The following DNAH5 variants were observed in gnomAD, a reference collection of about 807,000 sequenced individuals.
DNAH5 encodes the protein axonemal beta dynein heavy chain 5.
Under a neutral mutation model 518.2 loss-of-function variants are expected in DNAH5, and 372 were observed. The ratio of observed to expected loss-of-function variants is 0.72; its 90% CI spans 0.66 to 0.78. DNAH5 has a LOEUF of 0.78. DNAH5 is among the 30% of genes least tolerant of loss of function. The probability of loss-of-function intolerance (pLI) is 0.00; values close to 1 mark genes in which losing one functional copy is unlikely to be tolerated. For missense variants in DNAH5, 5,523 were observed against 5,687.0 expected (o/e 0.97, Z 0.93); for synonymous variants, 2,039 against 2,025.9 (o/e 1.01, Z -0.17).
intron 61 of DNAH5, among the ~76,000 whole-genome samples, chr5:13,756,843 C>A (rs1203162960): frequency 1.4e-4 from 22 of 152,050 alleles, no homozygotes; most frequent in Admixed American, 1.1e-3. Context: ...TTTCCTGATC[C>A]TCTCCCTCTT....
chr5:13,865,322 TACA>T (rs1034991903), intron 27 of DNAH5, among the ~76,000 whole-genome samples: 1 of 152,122 alleles, frequency 6.6e-6, no homozygotes, highest in Admixed American at 6.6e-5. Context: ...ATTCAAGAGC[TACA>T]ACAATACAGA....
In DNAH5 at chr5:13,716,583, C is replaced by A. The variant is rs763259925; in HGVS notation, c.12813G>T (p.Trp4271Cys). The change falls in exon 74 of 79, where the codon TGG becomes TGT. Residue 4271 changes from tryptophan (W) to cysteine (C), a missense_variant. Trp to Cys is a radical substitution (Grantham distance 215). Around this residue, in one of 3 missense-constraint regions of DNAH5, gnomAD observed 15 missense variants for 33.6 expected, o/e 0.45. Transcript: ENST00000265104. The part of the protein sequence containing the change: ...KRLLNTFAKV[W>C]FSENMFGPDF... Reference sequence around the variant, plus strand: ...CTGGTCCAAACATATTTTCACTGAACCAAACCTTAGCAAATGTGTTCAACA... The same window carrying A: ...CTGGTCCAAACATATTTTCACTGAAACAAACCTTAGCAAATGTGTTCAACA... 6.8e-6 allele frequency: 11 copies of A among 1,613,876 alleles called. No individual in the cohort carries two copies. The highest frequency in any genetic ancestry group is 9.3e-6 in the Non-Finnish European group (11 of 1,179,782).
At chr5:13,901,939 G>T (rs1774683674) in intron 13 of DNAH5, 114 bp downstream of exon 13, 1 of 787,372 alleles carries the variant, frequency 1.3e-6, no homozygotes, top group Non-Finnish European at 2.0e-6. Context: ...GACCCAAATT[G>T]CCAAGAGAGG....
intron 1 of DNAH5, among the ~76,000 whole-genome samples, chr5:13,949,873 C>T (rs7737789): frequency 0.82 from 124,727 of 152,124 alleles, 52,526 homozygotes; most frequent in Non-Finnish European, 0.91. Context: ...GCTTCTGATC[C>T]TGAATCCTGT....
chr5:13,880,043 G>T (rs1029175320), intron 21 of DNAH5, among the ~76,000 whole-genome samples: 1 of 152,088 alleles, frequency 6.6e-6, no homozygotes, highest in Non-Finnish European at 1.5e-5. Flanking sequence ...AAAGAGTGTT[G>T]AAAGTAGCAA....
At chr5:13,853,296 C>T (rs545652881) in intron 30 of DNAH5, among the ~76,000 whole-genome samples, 1 of 152,318 alleles carries the variant, frequency 6.6e-6, no homozygotes, top group South Asian at 2.1e-4. Context: ...GTTAGAGGAA[C>T]ACTAACAAAC....
intron 76 of DNAH5, among the ~76,000 whole-genome samples, chr5:13,706,173 T>C (rs1049527102): frequency 2.0e-5 from 3 of 152,242 alleles, no homozygotes; most frequent in Admixed American, 6.5e-5. Context: ...TTGGAGGCGA[T>C]GCACACCAGT....
intron 21 of DNAH5, among the ~76,000 whole-genome samples, chr5:13,881,934 C>T (rs1030639784): frequency 6.6e-6 from 1 of 151,844 alleles, no homozygotes; most frequent in African/African-American, 2.4e-5. Flanking sequence ...AAATCCTTAG[C>T]TAGACTAAGT....
intron 30 of DNAH5, among the ~76,000 whole-genome samples, chr5:13,853,699 A>C (rs913552153): frequency 6.6e-6 from 1 of 151,970 alleles, no homozygotes; most frequent in African/African-American, 2.4e-5. Context: ...GAACTGAAAA[A>C]CACAGCACAA....
rs1741241433 is a variant in DNAH5, at chr5:13,695,450, T to C, written c.13724-3315A>G. ...ATATTCAAGGGAGCTGTCCTCATTT[T>C]GAGTTTAGCTGTCCTCATTTTCAAG... On this transcript the variant is annotated intron_variant, in intron 78 of 78. Transcript: ENST00000265104. 2.6e-5 allele frequency among the ~76,000 whole-genome samples: 4 copies of C among 152,218 alleles called. No individual in the cohort carries two copies. In the South Asian group the frequency reaches 8.3e-4, roughly 31 times the overall value.
At chr5:13,965,196 A>AG (rs1281511688) in intron 1 of DNAH5, among the ~76,000 whole-genome samples, 1 of 152,102 alleles carries the variant, frequency 6.6e-6, no homozygotes, top group African/African-American at 2.4e-5. Flanking sequence ...TATTATTGAG[A>AG]GGGCATTAAT....
Position 13,754,375 on chromosome 5 carries a change from A to AAAT in DNAH5, c.10420-40_10420-38dup, listed in dbSNP as rs757689497. ...CATAATCACAAGAAAGCTTTTACTG[A>AAAT]AATAAACATAGCCACTGGCTCAAAA... is the stretch of plus-strand genomic sequence containing the variant. On this transcript the variant is annotated intron_variant, in intron 61 of 78. Transcript: ENST00000265104. 11 of 1,613,370 alleles carry AAAT rather than the reference A, an allele frequency of 6.8e-6. No homozygotes were observed. In the South Asian group the frequency reaches 1.1e-4, roughly 16 times the overall value.
chr5:13,807,068 A>G (rs1759723468), intron 47 of DNAH5, among the ~76,000 whole-genome samples: 1 of 152,250 alleles, frequency 6.6e-6, no homozygotes, highest in African/African-American at 2.4e-5. Flanking sequence ...ATAACCTGGT[A>G]CGCAATCATG....
intron 1 of DNAH5, among the ~76,000 whole-genome samples, chr5:13,986,698 C>T (rs1028935911): frequency 5.3e-5 from 8 of 152,124 alleles, no homozygotes; most frequent in Admixed American, 3.9e-4. Flanking sequence ...TGTAATTCCC[C>T]GAGACAACCC....
chr5:13,769,501 C>A lies in DNAH5; in HGVS notation c.9720G>T (p.Met3240Ile). ...ELQVANDKAD[M>I]VLKEVTMKAQ... ...GGCACATGTGTAAATGCCCACCCAC[C>A]ATGTCGGCTTTATCGTTGGCCACTT... The change falls in exon 57 of 79, where the codon ATG (methionine) becomes ATT (isoleucine). Residue 3240 changes from methionine to isoleucine, a missense_variant and splice_region_variant. Physicochemically the swap from Met to Ile is conservative, Grantham distance 10. Around this residue, in one of 3 missense-constraint regions of DNAH5, gnomAD observed 5,121 missense variants for 5,223.3 expected, o/e 0.98. Coordinates refer to ENST00000265104, the MANE Select transcript of DNAH5 (RefSeq NM_001369.3). The A allele has an allele frequency of 1.2e-6, 2 of 1,613,326 alleles. No individual in the cohort carries two copies. The highest frequency in any genetic ancestry group is 1.3e-5 in the African/African-American group (1 of 75,016).
intron 30 of DNAH5, 66 bp downstream of exon 30, chr5:13,859,386 A>AG (rs773917930): frequency 6.5e-7 from 1 of 1,541,364 alleles, no homozygotes; most frequent in Non-Finnish European, 9.0e-7. Context: ...GCATTATTTA[A>AG]GGGGGTAATC....
rs1284686641 is a variant in DNAH5, at chr5:13,911,289, T to C, written c.1644+97A>G. ...CTATCGGTCACCTCCATGATGAAGA[T>C]ACCTCTGCCTTCTGATTGGGTAATG... On this transcript the variant is annotated intron_variant, in intron 12 of 78. Transcript: ENST00000265104. 3.3e-6 allele frequency: 3 copies of C among 918,754 alleles called. No homozygotes were observed. In the African/African-American group the frequency reaches 4.9e-5, roughly 15 times the overall value. 56.9% of individuals were successfully genotyped at this position (918,754 alleles called of 1,614,324 possible). A position where few individuals can be genotyped will look rare whatever the true frequency, so the allele number is the denominator to read the frequency against.
chr5:13,811,709 C>T lies in DNAH5; in HGVS notation c.7345G>A (p.Val2449Met). Residue 2449 changes from valine (V) to methionine (M), a missense_variant, in exon 44 of 79, where the codon GTG becomes ATG. Coordinates refer to ENST00000265104, the MANE Select transcript of DNAH5 (RefSeq NM_001369.3). The stretch of plus-strand genomic sequence containing the variant: ...TGTGTGATGACAAAGGCCTCCAGCA[C>T]CTCCATCTTGTATTCTAAGTTCTGG... The part of the protein sequence containing the change: ...CIQNLEYKME[V>M]LEAFVITQSI... 1 of 1,614,154 alleles carries T rather than the reference C, an allele frequency of 6.2e-7. No individual in the cohort carries two copies. Among genetic ancestry groups the T allele is most frequent in the Non-Finnish European group, 8.5e-7 (1 of 1,180,012 alleles).
At chr5:13,990,417 G>A (rs2152074229) in intron 1 of DNAH5, among the ~76,000 whole-genome samples, 1 of 152,170 alleles carries the variant, frequency 6.6e-6, no homozygotes. Flanking sequence ...GCTGGGCGTG[G>A]TGGCGGGCGC....
Sources: gnomAD v4.1 joint callset for allele counts (sites outside exome capture counted in the v4.1 genomes callset) on GRCh38, gnomAD v4.1.1 for gene constraint, gnomAD v4.1.1 regional missense constraint, MANE v1.5 for transcripts, NCBI Gene and HGNC (gene_info 2026-07-23, HGNC 2026-07-21) for gene names.